KIAA1755: variants seen among roughly 807,000 people sequenced by gnomAD.
KIAA1755 encodes the protein KIAA1755.
KIAA1755 carries 68 observed loss-of-function variants against 91.7 expected under a neutral mutation model. The observed-to-expected ratio is 0.74, with a 90% CI of 0.61 to 0.91. The LOEUF (loss-of-function observed/expected upper bound fraction) is 0.91. Among genes scored for constraint, KIAA1755 ranks in the 40% least tolerant of loss-of-function variants. The pLI, the probability that KIAA1755 is intolerant of heterozygous loss-of-function variation, is 0.00. For synonymous variants in KIAA1755, 610 were observed against 604.6 expected, an observed-to-expected ratio of 1.01 and a Z score of -0.13; for missense variants, 1,535 against 1,494.4, an observed-to-expected ratio of 1.03 and a Z score of -0.45.
Position 38,218,293 on chromosome 20 carries a change from G to A in KIAA1755, c.2630C>T (p.Thr877Ile), listed in dbSNP as rs757983984. ...AAATTCTGCGTGGGCTTTCTCCACT[G>A]TCTCCAAACTTCCATCCTTGGGGGT... ...SLTPKDGSLETVEKAHAEFEN... is the reference protein window; with the variant it reads ...SLTPKDGSLEIVEKAHAEFEN... Residue 877 changes from threonine (T) to isoleucine (I), a missense_variant, in exon 12 of 14, where the codon ACA becomes ATA. Coordinates refer to ENST00000279024, the MANE Select transcript of KIAA1755 (RefSeq NM_001029864.2). 1.9e-6 allele frequency: 3 copies of A among 1,614,208 alleles called. No individual in the cohort carries two copies. Among genetic ancestry groups the A allele is most frequent in the East Asian group, 2.2e-5 (1 of 44,884 alleles).
chr20:38,253,576 A>C (rs1468632211), intron 1 of KIAA1755, among the ~76,000 whole-genome samples: 2 of 152,138 alleles, frequency 1.3e-5, no homozygotes, highest in African/African-American at 2.4e-5. Flanking sequence ...ACAGTGTCAT[A>C]CCGTATGATC....
Position 38,241,469 on chromosome 20 carries a change from C to A in KIAA1755, c.662G>T (p.Ser221Ile). 6.2e-7 allele frequency: 1 copy of A among 1,614,238 alleles called. No individual in the cohort carries two copies. Among genetic ancestry groups the A allele is most frequent in the Non-Finnish European group, 8.5e-7 (1 of 1,180,040 alleles). Residue 221 changes from serine (S) to isoleucine (I), a missense_variant, in exon 3 of 14, where the codon AGC (serine) becomes ATC (isoleucine). Ser to Ile is a moderately radical substitution (Grantham distance 142). Coordinates refer to ENST00000279024, the MANE Select transcript of KIAA1755 (RefSeq NM_001029864.2). ...LSSPQELHQA[S>I]SPDNQVLPAQ... The stretch of plus-strand genomic sequence containing the variant: ...AGGAAGCACCTGGTTGTCTGGGGAG[C>A]TGGCCTGGTGCAACTCTTGAGGGCT...
rs373670400 is a variant in KIAA1755 at position 38,223,134 on chromosome 20, C to A, written c.2268+404G>T. On this transcript the variant is annotated intron_variant, in intron 9 of 13. Transcript: ENST00000279024. ...ACATGTGTTTGCCCCCTGCCTGGAG[C>A]ACAGCCCCCCACAAAGGCAGGCTCC... 3.1e-4 allele frequency: 61 copies of A among 198,650 alleles called. 2 individuals are homozygous for A. In the East Asian group the frequency reaches 4.9e-3, roughly 16 times the overall value. 12.3% of individuals were successfully genotyped at this position (198,650 alleles called of 1,614,324 possible).
chr20:38,251,185 A>G (rs1443237322), intron 1 of KIAA1755, among the ~76,000 whole-genome samples: 1 of 152,214 alleles, frequency 6.6e-6, no homozygotes, highest in Non-Finnish European at 1.5e-5. Context: ...ACATCTGGTC[A>G]CCTCTTGGAG....
intron 10 of KIAA1755, 56 bp downstream of exon 10, chr20:38,222,393 A>G (rs1944623284): frequency 6.4e-7 from 1 of 1,573,388 alleles, no homozygotes; most frequent in African/African-American, 1.3e-5. Flanking sequence ...CCCAGCTCCA[A>G]GCTCCTGGGC....
In KIAA1755 at chr20:38,211,208, T is replaced by A. The variant is rs1476107141; in HGVS notation, c.*1834A>T. ...AAGATTCCTGAAGCCATTTTAGGTA[T>A]CAAGTGTGTGACTCTTGGCTGAGAC... On this transcript the variant is annotated 3_prime_UTR_variant, in exon 14 of 14. Transcript: ENST00000279024. The A allele has an allele frequency of 6.6e-6, 1 of 152,292 alleles. No individual in the cohort carries two copies. The highest frequency in any genetic ancestry group is 1.5e-5 in the Non-Finnish European group (1 of 68,102). 9.4% of individuals were successfully genotyped at this position (152,292 alleles called of 1,614,324 possible). A position where few individuals can be genotyped will look rare whatever the true frequency, so the allele number is the denominator to read the frequency against.
chr20:38,237,482 G>A (rs983831881), intron 4 of KIAA1755, among the ~76,000 whole-genome samples: 12 of 152,106 alleles, frequency 7.9e-5, no homozygotes, highest in Admixed American at 2.6e-4. Flanking sequence ...GAAAGCAAGC[G>A]AGTGAGTGTT....
chr20:38,227,026 G>A, intron 7 of KIAA1755, 128 bp downstream of exon 7: 1 of 630,434 alleles, frequency 1.6e-6, no homozygotes, highest in Non-Finnish European at 2.8e-6. Flanking sequence ...CGTATTTATT[G>A]CCTTACACTA....
chr20:38,243,087 G>C (rs2076096566), intron 2 of KIAA1755, among the ~76,000 whole-genome samples: 1 of 152,194 alleles, frequency 6.6e-6, no homozygotes, highest in Non-Finnish European at 1.5e-5. Context: ...CAGCTCCACT[G>C]GGCTGACAAC....
In KIAA1755 at chr20:38,258,060, C is replaced by T. The variant is rs1020573672; in HGVS notation, c.3+2438G>A. Among the ~76,000 whole-genome samples the T allele has an allele frequency of 8.5e-5, 13 of 152,170 alleles. No homozygotes were observed. In the East Asian group the frequency reaches 1.9e-3, roughly 23 times the overall value. ...GATTACAGGCACCTGCCACCATGCC[C>T]GGCTAGTTTTTTCTGTTTTCAGTAG... is the stretch of plus-strand genomic sequence containing the variant. On this transcript the variant is annotated intron_variant, in intron 1 of 13. Transcript: ENST00000279024.
chr20:38,241,356 C>T lies in KIAA1755; in HGVS notation c.775G>A (p.Val259Met), dbSNP rs781279728. 11 of 1,614,072 alleles carry T rather than the reference C, an allele frequency of 6.8e-6. No individual in the cohort carries two copies. Among genetic ancestry groups the T allele is most frequent in the African/African-American group, 2.7e-5 (2 of 74,928 alleles). The change falls in exon 3 of 14, where the codon GTG becomes ATG. Residue 259 changes from valine to methionine, a missense_variant. Val to Met is a conservative substitution (Grantham distance 21). Coordinates refer to ENST00000279024, the MANE Select transcript of KIAA1755 (RefSeq NM_001029864.2). ...IKVEQARCGE[V>M]AFRMDEVVSQ... Reference sequence around the variant, plus strand: ...ACCACCTCGTCCATCCTGAAAGCCACCTCCCCACACCGGGCTTGCTCCACC... The same window carrying T: ...ACCACCTCGTCCATCCTGAAAGCCATCTCCCCACACCGGGCTTGCTCCACC...
chr20:38,253,180 G>A (rs1010350271), intron 1 of KIAA1755, among the ~76,000 whole-genome samples: 14 of 152,218 alleles, frequency 9.2e-5, no homozygotes, highest in African/African-American at 3.4e-4. Context: ...CAGAGAAGGA[G>A]CTCATCAAGG....
In KIAA1755 at chr20:38,241,269, C is replaced by G; in HGVS notation, c.862G>C (p.Glu288Gln). 1.2e-6 allele frequency: 2 copies of G among 1,614,164 alleles called. No homozygotes were observed. Among genetic ancestry groups the G allele is most frequent in the Non-Finnish European group, 1.7e-6 (2 of 1,180,010 alleles). ...LLGFSQESRG[E>Q]SPSREAGTSS... ...GTGCCTGCCTCCCTACTGGGAGACT[C>G]TCCTCTGCTCTCTTGGGAAAAGCCT... Residue 288 changes from glutamate (E) to glutamine (Q), a missense_variant, in exon 3 of 14, where the codon GAG becomes CAG. Glu to Gln is a conservative substitution (Grantham distance 29, BLOSUM62 2). Transcript: ENST00000279024.
At chr20:38,259,528 T>A (rs936000048) in intron 1 of KIAA1755, among the ~76,000 whole-genome samples, 7 of 111,796 alleles carry the variant, frequency 6.3e-5, no homozygotes, top group Admixed American at 1.1e-4. Flanking sequence ...TGTGTGTGTG[T>A]GTGAGAGAGA....
intron 1 of KIAA1755, among the ~76,000 whole-genome samples, chr20:38,250,417 G>C (rs2123305791): frequency 6.6e-6 from 1 of 152,016 alleles, no homozygotes; most frequent in African/African-American, 2.4e-5. Context: ...CTAGAATTTA[G>C]TAGGTGCTCA....
intron 2 of KIAA1755, among the ~76,000 whole-genome samples, chr20:38,245,432 A>G (rs900070434): frequency 1.8e-4 from 27 of 152,344 alleles, no homozygotes; most frequent in African/African-American, 6.3e-4. Context: ...TTTGCAGCCA[A>G]TGAGTCTGGC....
Position 38,260,491 on chromosome 20 carries a change from G to A in KIAA1755, c.3+7C>T, listed in dbSNP as rs554195358. On this transcript the variant is annotated splice_region_variant and intron_variant, in intron 1 of 13. Transcript: ENST00000279024. ...AGAGCGAGGTGGTCCAGGCCTTGGC[G>A]CGTTACCATGGTGACGGGCTGCCAG... 6.7e-7 allele frequency: 1 copy of A among 1,489,496 alleles called. No homozygotes were observed. Among genetic ancestry groups the A allele is most frequent in the South Asian group, 1.4e-5 (1 of 71,388 alleles). 92.3% of individuals were successfully genotyped at this position (1,489,496 alleles called of 1,614,324 possible). A position where few individuals can be genotyped will look rare whatever the true frequency, so the allele number is the denominator to read the frequency against.
In KIAA1755 at chr20:38,239,535, G is replaced by C; in HGVS notation, c.1740C>G (p.Cys580Trp). Reference protein sequence around the residue: ...GVKVFRSRIACLPGGRDRAGR... With the variant: ...GVKVFRSRIAWLPGGRDRAGR... Reference sequence around the variant, plus strand: ...GCTTGAATCCCCTGGAACCTGGCAGGCATGCTATCCTGGAGCGGAAAACCT... The same window carrying C: ...GCTTGAATCCCCTGGAACCTGGCAGCCATGCTATCCTGGAGCGGAAAACCT... The change falls in exon 4 of 14, where the codon TGC (cysteine) becomes TGG (tryptophan). Residue 580 changes from cysteine (C) to tryptophan (W), a missense_variant. Transcript: ENST00000279024. 6 of 1,613,742 alleles carry C rather than the reference G, an allele frequency of 3.7e-6. No homozygotes were observed. In the South Asian group the frequency reaches 6.6e-5, roughly 18 times the overall value.
intron 4 of KIAA1755, among the ~76,000 whole-genome samples, chr20:38,237,582 T>C (rs2075980045): frequency 6.6e-6 from 1 of 151,186 alleles, no homozygotes; most frequent in African/African-American, 2.4e-5. Context: ...GACATAATGA[T>C]GGGGAAGGGA....
Sources: allele counts gnomAD v4.1 joint callset (sites outside exome capture counted in the v4.1 genomes callset), GRCh38; gene constraint gnomAD v4.1.1; transcripts MANE v1.5; gene names NCBI Gene and HGNC (gene_info 2026-07-23, HGNC 2026-07-21).